The following FER1L6 variants were observed in gnomAD, a reference collection of about 807,000 sequenced individuals.
FER1L6 encodes fer-1 like family member 6.
In FER1L6, 177 loss-of-function variants were observed where a neutral mutation model predicts 219.2. That is an observed-to-expected ratio of 0.81 (90% CI 0.71 to 0.91). The LOEUF (loss-of-function observed/expected upper bound fraction) is 0.91, where lower values mean the gene tolerates loss of function less well. Ranked by LOEUF, FER1L6 falls within the 40% of genes least tolerant of loss-of-function variation. The pLI is 0.00. For missense variants in FER1L6, 2,153 were observed against 2,259.9 expected, an observed-to-expected ratio of 0.95 and a Z score of 0.96; for synonymous variants, 768 against 824.3, an observed-to-expected ratio of 0.93 and a Z score of 1.17.
chr8:123,996,177 C>T (rs551185836), intron 12 of FER1L6, among the ~76,000 whole-genome samples: 3 of 152,152 alleles, frequency 2.0e-5, no homozygotes, highest in Admixed American at 2.0e-4. Flanking sequence ...CCATTTGTTC[C>T]ATGGTGCAGA....
In FER1L6 at chr8:123,966,236, T is replaced by C. The variant is rs368190802; in HGVS notation, c.330T>C (p.Asp110=). 6.2e-7 allele frequency: 1 copy of C among 1,614,148 alleles called. No individual in the cohort carries two copies. Reference sequence around the variant, plus strand: ...CAGTTGTGACCATTGAGATTGGGGATGAGAAGAAGCAAAGCACAGTGAAGG... The same window carrying C: ...CAGTTGTGACCATTGAGATTGGGGACGAGAAGAAGCAAAGCACAGTGAAGG... ...IDPVVTIEIG[D]EKKQSTVKEG... is the part of the protein sequence containing the mutation. Residue 110 remains aspartate (D), a synonymous_variant, in exon 5 of 41, where the codon GAT becomes GAC. Coordinates refer to ENST00000522917, the MANE Select transcript of FER1L6 (RefSeq NM_001039112.2).
At chr8:124,061,706 G>A (rs1030767044) in intron 24 of FER1L6, 146 bp from the exon 25 acceptor site, 2 of 682,234 alleles carry the variant, frequency 2.9e-6, no homozygotes, top group Non-Finnish European at 5.0e-6. Context: ...GGAAGACACT[G>A]CTCCAGAGTT....
chr8:123,901,527 T>G (rs1812855453), intron 1 of FER1L6, among the ~76,000 whole-genome samples: 1 of 85,168 alleles, frequency 1.2e-5, no homozygotes, highest in Non-Finnish European at 2.4e-5. Flanking sequence ...ATTTCCTTTC[T>G]TCTGCTGGGT....
chr8:124,060,147 C>T (rs753226413), intron 22 of FER1L6, 33 bp from the exon 23 acceptor site: 2 of 1,541,570 alleles, frequency 1.3e-6, no homozygotes, highest in Admixed American at 3.3e-5. Context: ...TGTGTCTCTC[C>T]AGCATCTAAC....
Position 123,986,134 on chromosome 8 carries a change from CG to C in FER1L6, c.1479del (p.Lys494ArgfsTer19). 5 of 1,613,410 alleles carry C rather than the reference CG, an allele frequency of 3.1e-6. No individual in the cohort carries two copies. The highest frequency in any genetic ancestry group is 4.2e-6 in the Non-Finnish European group (5 of 1,179,480). On this transcript the variant is annotated frameshift_variant, in exon 12 of 41. Coordinates refer to ENST00000522917, the MANE Select transcript of FER1L6 (RefSeq NM_001039112.2). LOFTEE classifies it high-confidence loss of function. ...ATTTTTTGAAGCTACCATGATTGAC[CG>C]GAAGATTGGAGATAAACCCATCAGC... ...GAFFEATMID[R>X]KIGDKPISFE...
chr8:124,010,973 G>A (rs1374226408), intron 14 of FER1L6, among the ~76,000 whole-genome samples: 1 of 151,978 alleles, frequency 6.6e-6, no homozygotes, highest in South Asian at 2.1e-4. Flanking sequence ...TCTAGGTATG[G>A]GCTGTTTTTC....
intron 14 of FER1L6, among the ~76,000 whole-genome samples, chr8:124,012,203 T>C (rs1817969104): frequency 6.6e-6 from 1 of 152,256 alleles, no homozygotes; most frequent in Admixed American, 6.5e-5. Flanking sequence ...ATTTGCTTTA[T>C]AATCCTTGTC....
intron 1 of FER1L6, chr8:123,939,051 G>C: frequency 3.6e-6 from 2 of 551,104 alleles, no homozygotes; most frequent in East Asian, 1.5e-4. Flanking sequence ...AGCATAGCAA[G>C]GGAAGAAAAT....
At chr8:124,115,976 T>C (rs557263388) in intron 39 of FER1L6, among the ~76,000 whole-genome samples, 1 of 152,346 alleles carries the variant, frequency 6.6e-6, no homozygotes, top group African/African-American at 2.4e-5. Context: ...ATCAAAAGCA[T>C]ATACTAATGC....
chr8:123,869,570 A>G (rs1816892160), intron 1 of FER1L6, among the ~76,000 whole-genome samples: 1 of 152,232 alleles, frequency 6.6e-6, no homozygotes, highest in African/African-American at 2.4e-5. Flanking sequence ...AAAGGAAGAG[A>G]TATTTATGAA....
intron 1 of FER1L6, among the ~76,000 whole-genome samples, chr8:123,921,539 ATT>A (rs34702833): frequency 0.42 from 59,824 of 141,586 alleles, 12,182 homozygotes; most frequent in South Asian, 0.51. Context: ...TAATTTTTGG[ATT>A]TTTTTTTTTT....
intron 1 of FER1L6, among the ~76,000 whole-genome samples, chr8:123,953,600 G>A (rs749060012): frequency 1.3e-5 from 2 of 152,186 alleles, no homozygotes; most frequent in African/African-American, 2.4e-5. Flanking sequence ...TTCCCTACAG[G>A]AGAACTCAGA....
intron 1 of FER1L6, among the ~76,000 whole-genome samples, chr8:123,941,057 T>A (rs1049827700): frequency 1.3e-5 from 2 of 152,192 alleles, no homozygotes; most frequent in Non-Finnish European, 2.9e-5. Context: ...ACGTTTGTGG[T>A]GTGAACCTAG....
chr8:123,965,194 C>T (rs1323398498), intron 3 of FER1L6, among the ~76,000 whole-genome samples: 2 of 152,202 alleles, frequency 1.3e-5, no homozygotes, highest in Non-Finnish European at 2.9e-5. Flanking sequence ...AATATTCTAA[C>T]TCAGATCAGT....
intron 11 of FER1L6, 177 bp from the exon 12 acceptor site, chr8:123,985,891 A>C (rs1816550788): frequency 1.8e-6 from 1 of 568,796 alleles, no homozygotes; most frequent in Non-Finnish European, 3.1e-6. Flanking sequence ...TTGGATCTGC[A>C]GTTTGCAGAT....
intron 38 of FER1L6, among the ~76,000 whole-genome samples, chr8:124,101,811 G>T (rs1165584570): frequency 6.6e-6 from 1 of 152,162 alleles, no homozygotes; most frequent in African/African-American, 2.4e-5. Context: ...ACCTCAGGAG[G>T]TCTTGATGAC....
rs747098825 is a variant in FER1L6 at position 124,097,255 on chromosome 8, T to A, written c.4696-16T>A. The stretch of plus-strand genomic sequence containing the variant: ...CCCCTCCCAAAGCTAAAGAAGATAT[T>A]TTTTTTCTTAACAAGGGCCGCCTGC... On this transcript the variant is annotated splice_polypyrimidine_tract_variant and intron_variant, in intron 35 of 40. Coordinates refer to ENST00000522917, the MANE Select transcript of FER1L6 (RefSeq NM_001039112.2). 1 of 1,607,336 alleles carries A rather than the reference T, an allele frequency of 6.2e-7. No homozygotes were observed. Among genetic ancestry groups the A allele is most frequent in the African/African-American group, 1.3e-5 (1 of 74,722 alleles).
At position 123,963,321 on chromosome 8, in the gene FER1L6, C is replaced by T. The variant is rs774328525; in HGVS notation, c.120C>T (p.His40=). The T allele has an allele frequency of 8.7e-6, 14 of 1,613,944 alleles. No homozygotes were observed. Among genetic ancestry groups the T allele is most frequent in the East Asian group, 2.2e-5 (1 of 44,894 alleles). The stretch of plus-strand genomic sequence containing the variant: ...AAGCACTGCAGGAGGAGCCTTCTCA[C>T]CAGGAAGGACCGAGAGGAGATTTGG... ...DTEALQEEPS[H]QEGPRGDLVH... is the part of the protein sequence containing the mutation. The change falls in exon 3 of 41, where the codon CAC becomes CAT. Residue 40 remains histidine (H), a synonymous_variant. Coordinates refer to ENST00000522917, the MANE Select transcript of FER1L6 (RefSeq NM_001039112.2).
chr8:123,873,262 G>T lies in FER1L6; in HGVS notation c.-8+21077G>T, dbSNP rs550554058. On this transcript the variant is annotated intron_variant, in intron 1 of 40. Coordinates refer to ENST00000522917, the MANE Select transcript of FER1L6 (RefSeq NM_001039112.2). ...TTGCCTGGACTCTCATCTCCATGTGGCTCCACACTTCCTTTAATTTGACAT... is the reference window on the plus strand; with the variant it reads ...TTGCCTGGACTCTCATCTCCATGTGTCTCCACACTTCCTTTAATTTGACAT... Among the ~76,000 whole-genome samples, 6 of 152,232 alleles carry T rather than the reference G, an allele frequency of 3.9e-5. No homozygotes were observed. The South Asian group carries it at 1.2e-3, about 32-fold the overall frequency.
Sources: allele counts gnomAD v4.1 joint callset (sites outside exome capture counted in the v4.1 genomes callset), GRCh38; gene constraint gnomAD v4.1.1; transcripts MANE v1.5; gene names NCBI Gene and HGNC (gene_info 2026-07-23, HGNC 2026-07-21).